The following UST variants were observed in gnomAD, a reference collection of about 807,000 sequenced individuals.
UST encodes uronyl 2-sulfotransferase.
UST carries 21 observed loss-of-function variants against 45.6 expected under a neutral mutation model. The ratio of observed to expected loss-of-function variants is 0.46; its 90% CI spans 0.33 to 0.66. The LOEUF is 0.66. UST is among the 30% of genes least tolerant of loss of function. The pLI, the probability that UST is intolerant of heterozygous loss-of-function variation, is 0.02. For missense variants in UST, 463 were observed against 512.4 expected (o/e 0.90, Z 0.93); for synonymous variants, 215 against 200.6 (o/e 1.07, Z -0.61).
rs184419838 is a variant in UST, at chr6:148,992,332, G to A, written c.682-26807G>A. On this transcript the variant is annotated intron_variant, in intron 5 of 7. Transcript: ENST00000367463. ...ATCCTGGCCAACACGGTGAAACCCC[G>A]TCTCTACTAAAAATACAAAAAAAAT... Among the ~76,000 whole-genome samples, 448 of 152,160 alleles carry A rather than the reference G, an allele frequency of 2.9e-3. 4 individuals are homozygous for A. The highest frequency in any genetic ancestry group is 0.01 in the African/African-American group (429 of 41,506).
chr6:148,927,688 T>A (rs35597451), intron 2 of UST, among the ~76,000 whole-genome samples: 41,710 of 152,040 alleles, frequency 0.27, 6,517 homozygotes, highest in African/African-American at 0.43. Context: ...ATAGAAGACA[T>A]TGTGCTCAAT....
intron 1 of UST, among the ~76,000 whole-genome samples, chr6:148,864,949 A>G (rs1163218777): frequency 1.3e-5 from 2 of 152,206 alleles, no homozygotes; most frequent in African/African-American, 4.8e-5. Context: ...TGCATTATTT[A>G]TATAGTTGTT....
intron 5 of UST, among the ~76,000 whole-genome samples, chr6:149,011,187 A>G (rs923544774): frequency 6.6e-6 from 1 of 152,220 alleles, no homozygotes; most frequent in Non-Finnish European, 1.5e-5. Flanking sequence ...GGAGGTCATT[A>G]TGTTAAATGA....
At chr6:148,929,697 A>C (rs1779885956) in intron 2 of UST, among the ~76,000 whole-genome samples, 1 of 152,212 alleles carries the variant, frequency 6.6e-6, no homozygotes, top group Non-Finnish European at 1.5e-5. Flanking sequence ...GGTTACCTGC[A>C]GATACAAGCA....
At chr6:148,993,281 C>T (rs1781388845) in intron 5 of UST, among the ~76,000 whole-genome samples, 1 of 152,036 alleles carries the variant, frequency 6.6e-6, no homozygotes. Flanking sequence ...TGACCCTGGG[C>T]TGGGGGCCAG....
chr6:148,985,136 T>C (rs1562320907), intron 5 of UST, among the ~76,000 whole-genome samples: 1 of 152,126 alleles, frequency 6.6e-6, no homozygotes, highest in Non-Finnish European at 1.5e-5. Flanking sequence ...TACATATGAA[T>C]GGAGACACCC....
chr6:149,070,913 GCA>G (rs1776809782), intron 7 of UST, among the ~76,000 whole-genome samples: 2 of 152,230 alleles, frequency 1.3e-5, no homozygotes, highest in South Asian at 4.2e-4. Flanking sequence ...GACTACAGGT[GCA>G]TGCCACCACG....
intron 4 of UST, among the ~76,000 whole-genome samples, chr6:148,956,906 G>A (rs767965977): frequency 1.6e-4 from 24 of 152,302 alleles, no homozygotes; most frequent in Non-Finnish European, 2.2e-4. Context: ...TTCCCCTAGC[G>A]GAGGTGGGAA....
At position 148,904,932 on chromosome 6, in the gene UST, A is replaced by G. The variant is rs150793417; in HGVS notation, c.291+17903A>G. ...TCCACCTCCTGCAGCTGCCCTAGGC[A>G]GAAGCTCAATATTGGGAAGGCATCA... On this transcript the variant is annotated intron_variant, in intron 2 of 7. Coordinates refer to ENST00000367463, the MANE Select transcript of UST (RefSeq NM_005715.3). 7.4e-3 allele frequency among the ~76,000 whole-genome samples: 1,122 copies of G among 152,324 alleles called. 19 individuals carry two copies. The highest frequency in any genetic ancestry group is 0.025 in the African/African-American group (1,057 of 41,576).
intron 5 of UST, among the ~76,000 whole-genome samples, chr6:149,013,203 T>C (rs1775840333): frequency 1.3e-5 from 2 of 152,216 alleles, no homozygotes; most frequent in Admixed American, 6.5e-5. Flanking sequence ...TAAGTTTTGG[T>C]ATCTAAGAAA....
intron 5 of UST, among the ~76,000 whole-genome samples, chr6:149,009,813 C>T (rs1270504646): frequency 6.7e-6 from 1 of 148,842 alleles, no homozygotes; most frequent in African/African-American, 2.5e-5. Context: ...TTTCATTATA[C>T]CTTTTGTCTT....
intron 1 of UST, among the ~76,000 whole-genome samples, chr6:148,844,719 G>A (rs1385514032): frequency 1.3e-5 from 2 of 151,850 alleles, no homozygotes; most frequent in African/African-American, 2.4e-5. Flanking sequence ...TTGTTACATG[G>A]GTATATTGGA....
At chr6:148,929,650 T>C (rs1323689762) in intron 2 of UST, among the ~76,000 whole-genome samples, 2 of 152,224 alleles carry the variant, frequency 1.3e-5, no homozygotes, top group Admixed American at 1.3e-4. Context: ...TACGAGAGAA[T>C]GTATTCTCTT....
chr6:148,864,022 C>G (rs560301965), intron 1 of UST, among the ~76,000 whole-genome samples: 1 of 152,332 alleles, frequency 6.6e-6, no homozygotes, highest in African/African-American at 2.4e-5. Flanking sequence ...CCACTACTCT[C>G]TTCAAAGCTG....
At chr6:148,920,311 G>T (rs1185948557) in intron 2 of UST, among the ~76,000 whole-genome samples, 1 of 146,866 alleles carries the variant, frequency 6.8e-6, no homozygotes, top group African/African-American at 2.7e-5. Context: ...TGAGCCTCTT[G>T]GTCCTAATTG....
At chr6:148,784,210 A>G (rs763944370) in intron 1 of UST, among the ~76,000 whole-genome samples, 26 of 152,350 alleles carry the variant, frequency 1.7e-4, no homozygotes, top group South Asian at 6.2e-4. Flanking sequence ...AATAAATGCT[A>G]TGAAAAAATA....
At chr6:148,964,678 G>A (rs1780745739) in intron 5 of UST, 115 bp downstream of exon 5, 2 of 1,359,836 alleles carry the variant, frequency 1.5e-6, no homozygotes, top group Non-Finnish European at 2.0e-6. Context: ...TCCATGGAGC[G>A]TGGCGCAGAG....
At chr6:149,073,755 G>C in intron 7 of UST, 78 bp from the exon 8 acceptor site, 1 of 1,538,020 alleles carries the variant, frequency 6.5e-7, no homozygotes, top group South Asian at 1.2e-5. Flanking sequence ...GAGTTGTACA[G>C]GTAATGTGGG....
At chr6:148,828,163 T>A (rs1777608908) in intron 1 of UST, among the ~76,000 whole-genome samples, 1 of 152,076 alleles carries the variant, frequency 6.6e-6, no homozygotes, top group African/African-American at 2.4e-5. Flanking sequence ...ATATGACGTC[T>A]GTCAAATTAC....
Sources: gnomAD v4.1 joint callset for allele counts (sites outside exome capture counted in the v4.1 genomes callset) on GRCh38, gnomAD v4.1.1 for gene constraint, MANE v1.5 for transcripts, NCBI Gene and HGNC (gene_info 2026-07-23, HGNC 2026-07-21) for gene names.